Variants in NSD1 observed in about 807,000 individuals in gnomAD.
NSD1 encodes the protein histone-lysine N-methyltransferase, H3 lysine-36 specific.
A neutral mutation model predicts 242.7 loss-of-function variants in NSD1; 26 were observed. The ratio of observed to expected loss-of-function variants is 0.11; its 90% CI spans 0.08 to 0.15. The LOEUF is 0.15. Among genes scored for constraint, NSD1 ranks in the 10% least tolerant of loss-of-function variants. The pLI is 1.00. For synonymous variants in NSD1, 1,106 were observed against 1,178.1 expected, an observed-to-expected ratio of 0.94 and a Z score of 1.25; for missense variants, 2,495 against 3,272.8, an observed-to-expected ratio of 0.76 and a Z score of 5.80.
At chr5:177,176,227 G>C (rs1760188529) in intron 2 of NSD1, among the ~76,000 whole-genome samples, 1 of 151,746 alleles carries the variant, frequency 6.6e-6, no homozygotes, top group Non-Finnish European at 1.5e-5. Flanking sequence ...GAAATTGAGG[G>C]ATTAAAATCT....
At chr5:177,249,428 G>T (rs1259116774) in intron 11 of NSD1, among the ~76,000 whole-genome samples, 2 of 151,524 alleles carry the variant, frequency 1.3e-5, no homozygotes, top group Admixed American at 6.6e-5. Context: ...GAGGATGTTA[G>T]TTTTTCTTTT....
In NSD1 at chr5:177,210,185, G is replaced by C. The variant is rs971893267; in HGVS notation, c.1786G>C (p.Gly596Arg). ...TGACTCTTTATTGGGCTTGCCTGAG[G>C]GTGCTTTGATCTCAAAGTGTTCTCG... is the stretch of plus-strand genomic sequence containing the variant. ...NGDSLLGLPE[G>R]ALISKCSREK... The change falls in exon 5 of 23, where the codon GGT (glycine) becomes CGT (arginine). Residue 596 changes from glycine to arginine, a missense_variant. Gly to Arg is a moderately radical substitution (Grantham distance 125, BLOSUM62 -2). Transcript: ENST00000439151. 1 of 1,602,330 alleles carries C rather than the reference G, an allele frequency of 6.2e-7. No homozygotes were observed. The highest frequency in any genetic ancestry group is 1.7e-5 in the Admixed American group (1 of 57,486).
intron 2 of NSD1, chr5:177,136,469 G>A (rs538790752): frequency 2.1e-4 from 38 of 183,628 alleles, no homozygotes; most frequent in Middle Eastern, 2.5e-3. Flanking sequence ...AGGTTGAAGG[G>A]CATTTTGAAC....
chr5:177,230,096 C>A (rs1764941975), intron 5 of NSD1, among the ~76,000 whole-genome samples: 1 of 151,980 alleles, frequency 6.6e-6, no homozygotes, highest in African/African-American at 2.4e-5. Context: ...GTTTCACTTA[C>A]AATATGTTAC....
At chr5:177,265,906 C>T (rs541248753) in intron 14 of NSD1, 2 of 1,468,140 alleles carry the variant, frequency 1.4e-6, no homozygotes, top group East Asian at 2.3e-5. Flanking sequence ...TCAGGTCTTC[C>T]ACCTTGACGG....
chr5:177,258,933 C>G (rs1756763535), intron 13 of NSD1, among the ~76,000 whole-genome samples: 1 of 152,238 alleles, frequency 6.6e-6, no homozygotes, highest in African/African-American at 2.4e-5. Context: ...CTCCCAGGTT[C>G]AAGAGATTCT....
chr5:177,178,477 C>T (rs577733567), intron 2 of NSD1, among the ~76,000 whole-genome samples: 3 of 152,266 alleles, frequency 2.0e-5, no homozygotes, highest in South Asian at 4.1e-4. Flanking sequence ...CCACCTGCCT[C>T]GGCCTGCCAA....
chr5:177,296,953 C>A lies in NSD1; in HGVS notation c.*1494C>A, dbSNP rs1410192595. On this transcript the variant is annotated 3_prime_UTR_variant, in exon 23 of 23. Coordinates refer to ENST00000439151, the MANE Select transcript of NSD1 (RefSeq NM_022455.5). ...CCCTAACGTCTCCTGGCCATTATCT[C>A]TTAGTTATGGCTTTCACGCTCTCAA... The A allele has an allele frequency of 1.7e-5, 4 of 233,240 alleles. No individual in the cohort carries two copies. Among genetic ancestry groups the A allele is most frequent in the African/African-American group, 8.8e-5 (4 of 45,342 alleles). 14.4% of individuals were successfully genotyped at this position (233,240 alleles called of 1,614,324 possible). A position where few individuals can be genotyped will look rare whatever the true frequency, so the allele number is the denominator to read the frequency against.
rs530868414 is a variant in NSD1, at chr5:177,162,619, C to T, written c.927+26589C>T. On this transcript the variant is annotated intron_variant, in intron 2 of 22. Coordinates refer to ENST00000439151, the MANE Select transcript of NSD1 (RefSeq NM_022455.5). ...CTGGTCTCAAACTTGTGAGCTCAAG[C>T]GATCCGCCCACCTTGGCCTCCCAAA... 4.6e-5 allele frequency among the ~76,000 whole-genome samples: 7 copies of T among 152,196 alleles called. No individual in the cohort carries two copies. The East Asian group carries it at 5.8e-4, about 13-fold the overall frequency.
chr5:177,204,945 A>C (rs934542362), intron 4 of NSD1, among the ~76,000 whole-genome samples: 3 of 152,180 alleles, frequency 2.0e-5, no homozygotes, highest in Non-Finnish European at 4.4e-5. Context: ...TCTTTTATGC[A>C]TGATGAAAGT....
chr5:177,255,402 G>A (rs1756350423), intron 12 of NSD1, among the ~76,000 whole-genome samples: 1 of 151,994 alleles, frequency 6.6e-6, no homozygotes, highest in East Asian at 1.9e-4. Context: ...TTTATTTGCT[G>A]GATGTTCTCA....
At position 177,269,855 on chromosome 5, in the gene NSD1, C is replaced by T. The variant is rs1158299230; in HGVS notation, c.5509+48C>T. ...TCAGGCAAACACAGACCTCTGTTACCTGAGTGTCTGATCTGTTTTAGAATT... is the reference window on the plus strand; with the variant it reads ...TCAGGCAAACACAGACCTCTGTTACTTGAGTGTCTGATCTGTTTTAGAATT... On this transcript the variant is annotated intron_variant, in intron 16 of 22. Transcript: ENST00000439151. This position sits in a 1 kb window ranked among gnomAD's most constrained non-coding sequence, Gnocchi z 5.1. 6.7e-7 allele frequency: 1 copy of T among 1,489,952 alleles called. No individual in the cohort carries two copies. Among genetic ancestry groups the T allele is most frequent in the Non-Finnish European group, 9.2e-7 (1 of 1,082,348 alleles). 92.3% of individuals were successfully genotyped at this position (1,489,952 alleles called of 1,614,324 possible).
At chr5:177,234,650 A>G (rs893528202) in intron 5 of NSD1, among the ~76,000 whole-genome samples, 1 of 152,186 alleles carries the variant, frequency 6.6e-6, no homozygotes, top group Non-Finnish European at 1.5e-5. Flanking sequence ...TGGAAGGTGA[A>G]GGTTGCAGTG....
intron 2 of NSD1, among the ~76,000 whole-genome samples, chr5:177,159,007 T>TATATATATATATATATATGAATG (rs1473363354): frequency 7.5e-5 from 7 of 93,014 alleles, no homozygotes; most frequent in Non-Finnish European, 1.2e-4. Context: ...TTTATATATA[T>TATATATATATATATATATGAATG]ATATATATAT....
At position 177,249,188 on chromosome 5, in the gene NSD1, G is replaced by A. The variant is rs558214164; in HGVS notation, c.4641+864G>A. 2.2e-4 allele frequency among the ~76,000 whole-genome samples: 33 copies of A among 152,190 alleles called. 2 individuals are homozygous for A. In the South Asian group the frequency reaches 6.6e-3, roughly 31 times the overall value. Reference sequence around the variant, plus strand: ...AAAATTTAGTATATACAAACTTGAAGTTAGGCAATGCGCAGTGGCTCATAC... The same window carrying A: ...AAAATTTAGTATATACAAACTTGAAATTAGGCAATGCGCAGTGGCTCATAC... On this transcript the variant is annotated intron_variant, in intron 11 of 22. Coordinates refer to ENST00000439151, the MANE Select transcript of NSD1 (RefSeq NM_022455.5).
intron 2 of NSD1, 22 bp from the exon 3 acceptor site, chr5:177,191,862 C>T: frequency 6.2e-7 from 1 of 1,612,714 alleles, no homozygotes; most frequent in Non-Finnish European, 8.5e-7. Flanking sequence ...TTATTGATGC[C>T]CCATGTTTTG....
chr5:177,238,552 A>T lies in NSD1; in HGVS notation c.4192+45A>T. 6.3e-7 allele frequency: 1 copy of T among 1,598,786 alleles called. No homozygotes were observed. The highest frequency in any genetic ancestry group is 1.1e-5 in the South Asian group (1 of 90,886). On this transcript the variant is annotated intron_variant, in intron 7 of 22. Transcript: ENST00000439151. The surrounding 1 kb of genome is among the most constrained non-coding windows in gnomAD (Gnocchi z 4.6). ...TCAGTATTTGAGCAGATATGATTAGAGGAAGCAGGAGATTTTAGTATGTTT... is the reference window on the plus strand; with the variant it reads ...TCAGTATTTGAGCAGATATGATTAGTGGAAGCAGGAGATTTTAGTATGTTT...
At position 177,210,666 on chromosome 5, in the gene NSD1, A is replaced by C; in HGVS notation, c.2267A>C (p.Asn756Thr). ...AATGATGCTCTCTCTCCAAAATTCA[A>C]CCTGTCATCAAGCATATCCAGTGAG... is the stretch of plus-strand genomic sequence containing the variant. ...FTNDALSPKFNLSSSISSENS... is the reference protein window; with the variant it reads ...FTNDALSPKFTLSSSISSENS... The change falls in exon 5 of 23, where the codon AAC (asparagine) becomes ACC (threonine). Residue 756 changes from asparagine (N) to threonine (T), a missense_variant. Transcript: ENST00000439151. 1.2e-6 allele frequency: 2 copies of C among 1,614,128 alleles called. No individual in the cohort carries two copies. Among genetic ancestry groups the C allele is most frequent in the Non-Finnish European group, 1.7e-6 (2 of 1,180,016 alleles).
chr5:177,247,550 G>A (rs1288590137), intron 10 of NSD1, among the ~76,000 whole-genome samples: 45 of 147,424 alleles, frequency 3.1e-4, no homozygotes, highest in Non-Finnish European at 1.5e-5. Context: ...AATACAGTGA[G>A]ACCTTGTCTC....
Sources: gnomAD v4.1 joint callset for allele counts (sites outside exome capture counted in the v4.1 genomes callset) on GRCh38, gnomAD v4.1.1 for gene constraint, Gnocchi (gnomAD v3.1) non-coding constraint, MANE v1.5 for transcripts, NCBI Gene and HGNC (gene_info 2026-07-23, HGNC 2026-07-21) for gene names.